The following ARHGEF28 variants were observed in gnomAD, a reference collection of about 807,000 sequenced individuals.
The protein encoded by ARHGEF28 is Rho guanine nucleotide exchange factor 28, also known as 190 kDa guanine nucleotide exchange factor.
Under a neutral mutation model 206.6 loss-of-function variants are expected in ARHGEF28, and 152 were observed. The observed-to-expected ratio is 0.74, with a 90% CI of 0.64 to 0.84. The LOEUF is 0.84. ARHGEF28 is among the 40% of genes least tolerant of loss of function. ARHGEF28 has a pLI of 0.00. For synonymous variants in ARHGEF28, 763 were observed against 776.4 expected (o/e 0.98, Z 0.29); for missense variants, 2,028 against 2,073.2 (o/e 0.98, Z 0.42).
intron 2 of ARHGEF28, among the ~76,000 whole-genome samples, chr5:73,702,222 C>T (rs965969524): frequency 3.7e-4 from 56 of 152,296 alleles, no homozygotes; most frequent in Non-Finnish European, 6.9e-4. Context: ...AGTGATGTCT[C>T]ATTATGGTCT....
chr5:73,776,593 C>G lies in ARHGEF28; in HGVS notation c.737C>G (p.Ser246Trp). 1.2e-6 allele frequency: 2 copies of G among 1,613,958 alleles called. No homozygotes were observed. Among genetic ancestry groups the G allele is most frequent in the Non-Finnish European group, 1.7e-6 (2 of 1,179,860 alleles). The change falls in exon 6 of 36, where the codon TCG (serine) becomes TGG (tryptophan). Residue 246 changes from serine to tryptophan, a missense_variant. Coordinates refer to ENST00000513042, the MANE Select transcript of ARHGEF28 (RefSeq NM_001177693.2). ...GCCTCCTTGCATTACATTCACTCAT[C>G]GGAAACGCTGACCCTGACCCTGAAC... ...EEASLHYIHSSETLTLTLNHT... is the reference protein window; with the variant it reads ...EEASLHYIHSWETLTLTLNHT...
At chr5:73,884,439 C>T (rs1017488383) in intron 24 of ARHGEF28, among the ~76,000 whole-genome samples, 1 of 152,186 alleles carries the variant, frequency 6.6e-6, no homozygotes, top group Non-Finnish European at 1.5e-5. Flanking sequence ...ACAGCTGAAT[C>T]TTCAATGTCT....
chr5:73,778,985 C>T (rs541667803), intron 6 of ARHGEF28, among the ~76,000 whole-genome samples: 2 of 152,244 alleles, frequency 1.3e-5, no homozygotes, highest in Non-Finnish European at 2.9e-5. Flanking sequence ...GTTTAGTCTC[C>T]GGGTTTGGGC....
chr5:73,851,078 A>T (rs1040517455), intron 13 of ARHGEF28, among the ~76,000 whole-genome samples: 1 of 152,228 alleles, frequency 6.6e-6, no homozygotes, highest in African/African-American at 2.4e-5. Flanking sequence ...ATCTGTGTTT[A>T]TGTAATCAAA....
chr5:73,783,699 A>G (rs1419781679), intron 7 of ARHGEF28, among the ~76,000 whole-genome samples: 1 of 152,194 alleles, frequency 6.6e-6, no homozygotes, highest in Non-Finnish European at 1.5e-5. Context: ...GTCAGTGGTA[A>G]GGGAGAAGGA....
chr5:73,672,841 C>T (rs113360499), intron 1 of ARHGEF28, among the ~76,000 whole-genome samples: 3 of 152,286 alleles, frequency 2.0e-5, no homozygotes, highest in South Asian at 2.1e-4. Flanking sequence ...ACAGGTTTGG[C>T]GGAACATTTT....
At chr5:73,826,741 G>A (rs1015800967) in intron 9 of ARHGEF28, among the ~76,000 whole-genome samples, 2 of 152,136 alleles carry the variant, frequency 1.3e-5, no homozygotes, top group African/African-American at 2.4e-5. Context: ...CCCCTTACTA[G>A]TTCCAATTCC....
chr5:73,837,661 G>A (rs1757730436), intron 10 of ARHGEF28, among the ~76,000 whole-genome samples: 2 of 151,348 alleles, frequency 1.3e-5, no homozygotes, highest in Admixed American at 1.3e-4. Context: ...CCAAAGATTT[G>A]GTAAATAAAA....
chr5:73,887,828 T>C, intron 26 of ARHGEF28, 149 bp downstream of exon 26: 1 of 706,564 alleles, frequency 1.4e-6, no homozygotes, highest in Non-Finnish European at 2.2e-6. Context: ...TTGCAGTGTT[T>C]AGAGACAAGC....
intron 21 of ARHGEF28, among the ~76,000 whole-genome samples, chr5:73,871,917 G>T (rs987229910): frequency 1.3e-5 from 2 of 152,164 alleles, no homozygotes; most frequent in African/African-American, 4.8e-5. Flanking sequence ...CATCCTAGTT[G>T]TAATATGTAT....
At chr5:73,746,900 T>C (rs1044185123) in intron 2 of ARHGEF28, among the ~76,000 whole-genome samples, 1 of 152,146 alleles carries the variant, frequency 6.6e-6, no homozygotes, top group Non-Finnish European at 1.5e-5. Flanking sequence ...CCAAACATTC[T>C]CTCTCAAAAA....
chr5:73,710,011 G>A (rs1175409242), intron 2 of ARHGEF28, among the ~76,000 whole-genome samples: 1 of 152,192 alleles, frequency 6.6e-6, no homozygotes, highest in Non-Finnish European at 1.5e-5. Context: ...TATGAATAAT[G>A]CAGCTCCAGT....
rs1387881968 is a variant in ARHGEF28, at chr5:73,770,797, C to T, written c.476-3058C>T. 2.6e-5 allele frequency among the ~76,000 whole-genome samples: 4 copies of T among 152,184 alleles called. No homozygotes were observed. The South Asian group carries it at 8.3e-4, about 32-fold the overall frequency. Reference sequence around the variant, plus strand: ...AAACATCAGAAGATTCTCTCTTCCCCTGCCTTACCTCCTCCCCGGGAAGTG... The same window carrying T: ...AAACATCAGAAGATTCTCTCTTCCCTTGCCTTACCTCCTCCCCGGGAAGTG... On this transcript the variant is annotated intron_variant, in intron 4 of 35. Transcript: ENST00000513042.
intron 2 of ARHGEF28, among the ~76,000 whole-genome samples, chr5:73,737,117 A>T (rs1193080680): frequency 1.3e-5 from 2 of 152,094 alleles, no homozygotes; most frequent in East Asian, 1.9e-4. Context: ...AATGAGACAC[A>T]TCCGAGGTGC....
At chr5:73,855,253 G>C (rs1003876337) in intron 14 of ARHGEF28, among the ~76,000 whole-genome samples, 1 of 152,054 alleles carries the variant, frequency 6.6e-6, no homozygotes, top group Non-Finnish European at 1.5e-5. Flanking sequence ...TTCTACATTT[G>C]CCCAGAGGTT....
chr5:73,884,589 G>A (rs1761145804), intron 24 of ARHGEF28, among the ~76,000 whole-genome samples: 1 of 152,222 alleles, frequency 6.6e-6, no homozygotes, highest in Non-Finnish European at 1.5e-5. Flanking sequence ...AGTGTGTTAT[G>A]TTAAAAAGGG....
intron 29 of ARHGEF28, among the ~76,000 whole-genome samples, chr5:73,895,985 T>C (rs1490778323): frequency 2.0e-5 from 3 of 152,184 alleles, no homozygotes; most frequent in African/African-American, 7.2e-5. Flanking sequence ...CCCTCATCCA[T>C]CTGTTTATCA....
intron 2 of ARHGEF28, among the ~76,000 whole-genome samples, chr5:73,730,815 T>G (rs1750578157): frequency 6.6e-6 from 1 of 152,210 alleles, no homozygotes; most frequent in Non-Finnish European, 1.5e-5. Flanking sequence ...GAAAAATTTA[T>G]TCTCTAGTTT....
chr5:73,827,959 T>C (rs1005775368), intron 9 of ARHGEF28: 2 of 152,160 alleles, frequency 1.3e-5, no homozygotes, highest in African/African-American at 4.8e-5. Context: ...AGTGATAAAA[T>C]CATATTTCTT....
Sources: gnomAD v4.1 joint callset for allele counts (sites outside exome capture counted in the v4.1 genomes callset) on GRCh38, gnomAD v4.1.1 for gene constraint, MANE v1.5 for transcripts, NCBI Gene and HGNC (gene_info 2026-07-23, HGNC 2026-07-21) for gene names.